PNPT1: variants seen among roughly 807,000 people sequenced by gnomAD.
The protein encoded by PNPT1 is polyribonucleotide nucleotidyltransferase 1.
PNPT1 carries 53 observed loss-of-function variants against 119.5 expected under a neutral mutation model. The observed-to-expected ratio is 0.44, with a 90% CI of 0.36 to 0.56. PNPT1 has a LOEUF of 0.56. PNPT1 is among the 20% of genes least tolerant of loss of function. The pLI, the probability that PNPT1 is intolerant of heterozygous loss-of-function variation, is 0.00. For synonymous variants in PNPT1, 357 were observed against 322.1 expected, an observed-to-expected ratio of 1.11 and a Z score of -1.16; for missense variants, 948 against 938.5, an observed-to-expected ratio of 1.01 and a Z score of -0.13.
chr2:55,666,960 G>C, intron 13 of PNPT1, 31 bp downstream of exon 13: 2 of 1,412,842 alleles, frequency 1.4e-6, no homozygotes, highest in Non-Finnish European at 1.9e-6. Context: ...TCTTAATTTA[G>C]CAAATAATTA....
In PNPT1 at chr2:55,679,744, C is replaced by A; in HGVS notation, c.617G>T (p.Arg206Ile). ...IDGEYVVNPT[R>I]KEMSSSTLNL... ...TAAAGTACTAGAAGACATTTCTTTT[C>A]TTGTTGGGTTAACAACATATTCTCC... Residue 206 changes from arginine to isoleucine, a missense_variant, in exon 8 of 28, where the codon AGA (arginine) becomes ATA (isoleucine). Arg to Ile is a moderately conservative substitution (Grantham distance 97, BLOSUM62 -3). Coordinates refer to ENST00000447944, the MANE Select transcript of PNPT1 (RefSeq NM_033109.5). 1 of 1,612,524 alleles carries A rather than the reference C, an allele frequency of 6.2e-7. No individual in the cohort carries two copies. The highest frequency in any genetic ancestry group is 1.1e-5 in the South Asian group (1 of 90,758).
At chr2:55,643,805 G>T (rs1421486532) in intron 23 of PNPT1, among the ~76,000 whole-genome samples, 5 of 152,144 alleles carry the variant, frequency 3.3e-5, no homozygotes, top group African/African-American at 9.6e-5. Context: ...GTGAGAATAG[G>T]AGGGACCTAT....
chr2:55,677,835 G>A (rs529851501), intron 8 of PNPT1, among the ~76,000 whole-genome samples: 1 of 151,816 alleles, frequency 6.6e-6, no homozygotes, highest in Admixed American at 6.6e-5. Flanking sequence ...TGCCTCCCGG[G>A]TTCACGCCAT....
At position 55,660,554 on chromosome 2, in the gene PNPT1, G is replaced by A. The variant is rs551746061; in HGVS notation, c.1248-361C>T. Among the ~76,000 whole-genome samples, 34 of 152,272 alleles carry A rather than the reference G, an allele frequency of 2.2e-4. No homozygotes were observed. In the South Asian group the frequency reaches 6.8e-3, roughly 31 times the overall value. ...TCTCAGAGCTACAATGCTTCTCCCA[G>A]TCAATATGTGAAACGAAGAAAAAGT... On this transcript the variant is annotated intron_variant, in intron 14 of 27. Transcript: ENST00000447944.
intron 18 of PNPT1, among the ~76,000 whole-genome samples, chr2:55,654,182 G>A (rs1696306324): frequency 6.6e-6 from 1 of 151,818 alleles, no homozygotes; most frequent in African/African-American, 2.4e-5. Flanking sequence ...ACTTGAACCT[G>A]GGAGGCGGAG....
At chr2:55,691,879 T>TATATATATATATA (rs1491131806) in intron 1 of PNPT1, among the ~76,000 whole-genome samples, 10 of 8,484 alleles carry the variant, frequency 1.2e-3, no homozygotes, top group South Asian at 4.2e-3. Flanking sequence ...TATATATATA[T>TATATATATATATA]TTTTTTTTTT....
intron 1 of PNPT1, among the ~76,000 whole-genome samples, chr2:55,693,030 C>G (rs1697670967): frequency 6.6e-6 from 1 of 152,122 alleles, no homozygotes; most frequent in African/African-American, 2.4e-5. Flanking sequence ...TTCTGATGAC[C>G]TTGTTCCCAT....
intron 12 of PNPT1, 118 bp from the exon 13 acceptor site, chr2:55,667,211 T>C: frequency 1.4e-6 from 1 of 691,428 alleles, no homozygotes; most frequent in Middle Eastern, 2.5e-4. Context: ...CCTGTGGAAC[T>C]TTAAAAAATA....
intron 17 of PNPT1, among the ~76,000 whole-genome samples, chr2:55,655,279 G>A (rs1156518774): frequency 6.6e-6 from 1 of 152,040 alleles, no homozygotes; most frequent in East Asian, 1.9e-4. Flanking sequence ...TGGAGTCTCA[G>A]CCTGCCACCA....
chr2:55,680,632 C>G (rs747587892), intron 7 of PNPT1, 80 bp downstream of exon 7: 240 of 1,274,988 alleles, frequency 1.9e-4, no homozygotes, highest in Non-Finnish European at 2.6e-4. Flanking sequence ...GAGCCATATG[C>G]CATTGCTGTA....
At chr2:55,661,096 T>C (rs1324619917) in intron 14 of PNPT1, among the ~76,000 whole-genome samples, 2 of 139,028 alleles carry the variant, frequency 1.4e-5, no homozygotes, top group Admixed American at 7.2e-5. Flanking sequence ...AGATTCTTTT[T>C]TTTTTTTTTT....
intron 9 of PNPT1, 40 bp from the exon 10 acceptor site, chr2:55,672,086 G>C (rs1337600259): frequency 7.0e-7 from 1 of 1,437,870 alleles, no homozygotes; most frequent in Admixed American, 2.1e-5. Context: ...AATAATATCT[G>C]GAAACAAGAG....
At chr2:55,637,909 A>C (rs1485964035) in intron 26 of PNPT1, among the ~76,000 whole-genome samples, 1 of 151,150 alleles carries the variant, frequency 6.6e-6, no homozygotes, top group Admixed American at 6.6e-5. Context: ...CTGAGGCAGG[A>C]GAATGGCGTG....
Position 55,645,478 on chromosome 2 carries a change from G to A in PNPT1, c.1739-46C>T, listed in dbSNP as rs746173289. 4.8e-6 allele frequency: 6 copies of A among 1,249,822 alleles called. No homozygotes were observed. The South Asian group carries it at 7.3e-5, about 15-fold the overall frequency. 77.4% of individuals were successfully genotyped at this position (1,249,822 alleles called of 1,614,324 possible). A position where few individuals can be genotyped will look rare whatever the true frequency, so the allele number is the denominator to read the frequency against. On this transcript the variant is annotated intron_variant, in intron 21 of 27. Coordinates refer to ENST00000447944, the MANE Select transcript of PNPT1 (RefSeq NM_033109.5). ...AATTATAACTACATAAAACAAATAT[G>A]ATCTGAAATACTGTACTCTTAGTTT...
At chr2:55,693,606 C>A in intron 1 of PNPT1, 57 bp downstream of exon 1, 3 of 1,595,704 alleles carry the variant, frequency 1.9e-6, no homozygotes, top group South Asian at 2.2e-5. Context: ...TGAATACGCT[C>A]AAGCTGGCTG....
chr2:55,661,782 A>T (rs1230859880), intron 14 of PNPT1, among the ~76,000 whole-genome samples, 174 bp downstream of exon 14: 1 of 152,234 alleles, frequency 6.6e-6, no homozygotes, highest in Non-Finnish European at 1.5e-5. Context: ...GTGATTTAGA[A>T]GACAATCTAG....
intron 18 of PNPT1, among the ~76,000 whole-genome samples, chr2:55,653,008 C>T (rs1374017993): frequency 2.0e-5 from 3 of 152,222 alleles, no homozygotes; most frequent in South Asian, 2.1e-4. Flanking sequence ...CCACCACACC[C>T]GGCTAATTTT....
At chr2:55,683,057 G>A (rs1697297273) in intron 5 of PNPT1, among the ~76,000 whole-genome samples, 1 of 152,142 alleles carries the variant, frequency 6.6e-6, no homozygotes, top group South Asian at 2.1e-4. Context: ...TATTATTCAG[G>A]AAGTATTAAA....
chr2:55,686,975 G>T (rs1237066373), intron 2 of PNPT1, among the ~76,000 whole-genome samples: 1 of 152,074 alleles, frequency 6.6e-6, no homozygotes, highest in Admixed American at 6.6e-5. Context: ...AGCACTTTGG[G>T]AGGCTGAGGC....
Sources: allele counts gnomAD v4.1 joint callset (sites outside exome capture counted in the v4.1 genomes callset), GRCh38; gene constraint gnomAD v4.1.1; transcripts MANE v1.5; gene names NCBI Gene and HGNC (gene_info 2026-07-23, HGNC 2026-07-21).